Variants in ZNF695 observed in about 807,000 individuals in gnomAD.
The protein encoded by ZNF695 is zinc finger protein SBZF3.
In ZNF695, 11 loss-of-function variants were observed where a neutral mutation model predicts 11.2. The observed-to-expected ratio is 0.98, with a 90% CI of 0.62 to 1.62. The LOEUF (loss-of-function observed/expected upper bound fraction) is 1.62. Among genes scored for constraint, ZNF695 ranks in the 40% most tolerant of loss-of-function variants. ZNF695 has a pLI of 0.00. For synonymous variants in ZNF695, 190 were observed against 201.4 expected, an observed-to-expected ratio of 0.94 and a Z score of 0.48; for missense variants, 559 against 590.5, an observed-to-expected ratio of 0.95 and a Z score of 0.55.
intron 5 of ZNF695, among the ~76,000 whole-genome samples, chr1:246,957,412 A>G (rs886523113): frequency 1.3e-5 from 2 of 152,048 alleles, no homozygotes; most frequent in Non-Finnish European, 2.9e-5. Flanking sequence ...GGGGAACACA[A>G]GCAACGAAGA....
intron 4 of ZNF695, among the ~76,000 whole-genome samples, chr1:246,978,897 C>T (rs758520776): frequency 3.9e-5 from 6 of 152,140 alleles, no homozygotes; most frequent in Admixed American, 1.3e-4. Context: ...ATGATGTTCT[C>T]CAGTGAAGAC....
chr1:246,987,010 T>A lies in ZNF695; in HGVS notation c.1505A>T (p.Asn502Ile). The change falls in exon 4 of 4, where the codon AAC becomes ATC. Residue 502 changes from asparagine to isoleucine, a missense_variant. Coordinates refer to ENST00000339986, the MANE Select transcript of ZNF695 (RefSeq NM_020394.5). ...YKCEECGKAF[N>I]HSAQLAVHEK... ...ATGTACAGCAAGTTGTGCAGAGTGG[T>A]TAAAGGCTTTGCCACATTCCTCACA... 1 of 1,608,542 alleles carries A rather than the reference T, an allele frequency of 6.2e-7. No homozygotes were observed. The highest frequency in any genetic ancestry group is 8.5e-7 in the Non-Finnish European group (1 of 1,178,014).
chr1:246,951,963 T>A (rs1292894576), intron 5 of ZNF695, among the ~76,000 whole-genome samples: 1 of 152,198 alleles, frequency 6.6e-6, no homozygotes, highest in African/African-American at 2.4e-5. Flanking sequence ...CACTATATAT[T>A]TTTGAGACAG....
rs550502405 is a variant in ZNF695 at position 246,986,313 on chromosome 1, C to T, written c.*654G>A. 10 of 943,916 alleles carry T rather than the reference C, an allele frequency of 1.1e-5. No homozygotes were observed. Among genetic ancestry groups the T allele is most frequent in the Non-Finnish European group, 1.3e-5 (10 of 792,166 alleles). 58.5% of individuals were successfully genotyped at this position (943,916 alleles called of 1,614,324 possible). A position where few individuals can be genotyped will look rare whatever the true frequency, so the allele number is the denominator to read the frequency against. The stretch of plus-strand genomic sequence containing the variant: ...AAACTCCTGGGCTCAAGCAATCCCC[C>T]GACCTCGGCATCCAAAAGTGCAGCA... On this transcript the variant is annotated 3_prime_UTR_variant, in exon 4 of 4. Transcript: ENST00000339986.
At chr1:246,993,941 A>G (rs1254675308) in intron 3 of ZNF695, among the ~76,000 whole-genome samples, 3 of 152,166 alleles carry the variant, frequency 2.0e-5, no homozygotes, top group African/African-American at 7.2e-5. Context: ...TGGGAGGCCA[A>G]CGTGGGCGGA....
chr1:246,965,229 C>A (rs182010148), intron 5 of ZNF695, among the ~76,000 whole-genome samples: 2 of 151,600 alleles, frequency 1.3e-5, no homozygotes, highest in East Asian at 3.9e-4. Context: ...TGGTGGCGGG[C>A]GCCTGTAGTC....
chr1:246,980,636 T>C (rs1210996099), downstream of ZNF695, among the ~76,000 whole-genome samples: 4 of 152,096 alleles, frequency 2.6e-5, no homozygotes, highest in Non-Finnish European at 5.9e-5. Flanking sequence ...CAGGCTGGTT[T>C]TGAACTCCTG....
intron 5 of ZNF695, among the ~76,000 whole-genome samples, chr1:246,962,035 C>T (rs1668175888): frequency 6.6e-6 from 1 of 152,226 alleles, no homozygotes; most frequent in Non-Finnish European, 1.5e-5. Flanking sequence ...GAAATCTGAA[C>T]TTCTCTTTAA....
chr1:246,950,738 T>G (rs747829943), intron 5 of ZNF695, among the ~76,000 whole-genome samples: 1 of 151,918 alleles, frequency 6.6e-6, no homozygotes, highest in Non-Finnish European at 1.5e-5. Flanking sequence ...AACATTTCAT[T>G]GCTCTCCTGG....
Position 246,987,827 on chromosome 1 carries a change from A to T in ZNF695, c.688T>A (p.Cys230Ser). The stretch of plus-strand genomic sequence containing the variant: ...TTCTCTCCAACATGAATTCTCTTAC[A>T]GTCAGTAAAGCATGAGCACTCATTA... ...AFNECSCFTD[C>S]KRIHVGEKHC... is the part of the protein sequence containing the mutation. Residue 230 changes from cysteine to serine, a missense_variant, in exon 4 of 4, where the codon TGT becomes AGT. Coordinates refer to ENST00000339986, the MANE Select transcript of ZNF695 (RefSeq NM_020394.5). 5 of 1,611,798 alleles carry T rather than the reference A, an allele frequency of 3.1e-6. No homozygotes were observed. Among genetic ancestry groups the T allele is most frequent in the Non-Finnish European group, 4.2e-6 (5 of 1,179,304 alleles).
chr1:246,967,554 A>T (rs182833293), intron 5 of ZNF695: 3 of 429,378 alleles, frequency 7.0e-6, no homozygotes, highest in Admixed American at 2.5e-5. Context: ...TAGCTGAGAT[A>T]GGGGAAGACT....
chr1:246,973,293 C>T (rs57199707), intron 4 of ZNF695, among the ~76,000 whole-genome samples: 142 of 152,310 alleles, frequency 9.3e-4, no homozygotes, highest in African/African-American at 3.3e-3. Context: ...AGGTGATCTG[C>T]CCGCCTCAAC....
At chr1:246,984,353 A>G (rs1478641428), downstream of ZNF695, among the ~76,000 whole-genome samples, 2 of 151,928 alleles carry the variant, frequency 1.3e-5, no homozygotes, top group East Asian at 3.9e-4. Flanking sequence ...AGAGACCACA[A>G]AAAAACAGAG....
At chr1:246,993,752 C>T (rs1669112095) in intron 3 of ZNF695, among the ~76,000 whole-genome samples, 1 of 151,858 alleles carries the variant, frequency 6.6e-6, no homozygotes, top group Admixed American at 6.6e-5. Flanking sequence ...ACACAGACAA[C>T]TAAATGAAAT....
chr1:246,990,877 T>A (rs1412161339), intron 3 of ZNF695, among the ~76,000 whole-genome samples: 2 of 152,110 alleles, frequency 1.3e-5, no homozygotes, highest in Non-Finnish European at 2.9e-5. Flanking sequence ...TAAAAGAAAT[T>A]CAGGAGGAAA....
rs764770207 is a variant in ZNF695 at position 246,967,694 on chromosome 1, C to T, written c.488+1G>A. On this transcript the variant is annotated splice_donor_variant, in intron 5 of 5. Coordinates refer to the ZNF695 transcript ENST00000487338. LOFTEE classifies it high-confidence loss of function. ...AAAGAAAAGAGATTTAATCAACTCA[C>T]GGTTCTGTGGGCTTTACATGCTTCT... is the stretch of plus-strand genomic sequence containing the variant. The T allele has an allele frequency of 5.2e-5, 20 of 382,472 alleles. No homozygotes were observed. Among genetic ancestry groups the T allele is most frequent in the South Asian group, 2.0e-4 (10 of 50,362 alleles). 23.7% of individuals were successfully genotyped at this position (382,472 alleles called of 1,614,324 possible). A position where few individuals can be genotyped will look rare whatever the true frequency, so the allele number is the denominator to read the frequency against.
In ZNF695 at chr1:246,993,630, C is replaced by T. The variant is rs566977017; in HGVS notation, c.260-5375G>A. Among the ~76,000 whole-genome samples the T allele has an allele frequency of 1.5e-4, 23 of 151,768 alleles. 1 individual carries two copies. The South Asian group carries it at 4.6e-3, about 30-fold the overall frequency. ...ACAAAGTATCAGGGTACTTAACGCC[C>T]CAAAAAGGAAAAATAAATATCCAGA... On this transcript the variant is annotated intron_variant, in intron 3 of 3. Coordinates refer to ENST00000339986, the MANE Select transcript of ZNF695 (RefSeq NM_020394.5).
chr1:246,991,816 C>A (rs1161550360), intron 3 of ZNF695, among the ~76,000 whole-genome samples: 1 of 152,146 alleles, frequency 6.6e-6, no homozygotes. Flanking sequence ...TACCTGCACC[C>A]CTATGTTGGT....
intron 3 of ZNF695, chr1:246,996,026 C>T (rs1388293259): frequency 2.2e-6 from 1 of 453,736 alleles, no homozygotes; most frequent in Non-Finnish European, 4.4e-6. Context: ...CTTACCTCAC[C>T]AAATGAATGG....
Sources: gnomAD v4.1 joint callset for allele counts (sites outside exome capture counted in the v4.1 genomes callset) on GRCh38, gnomAD v4.1.1 for gene constraint, MANE v1.5 for transcripts, NCBI Gene and HGNC (gene_info 2026-07-23, HGNC 2026-07-21) for gene names.